ROBO2: variants seen among roughly 807,000 people sequenced by gnomAD.
ROBO2 encodes roundabout guidance receptor 2.
In ROBO2, 53 loss-of-function variants were observed where a neutral mutation model predicts 160.8. The ratio of observed to expected loss-of-function variants is 0.33; its 90% CI spans 0.26 to 0.41. The LOEUF (loss-of-function observed/expected upper bound fraction) is 0.41, where lower values mean the gene tolerates loss of function less well. Ranked by LOEUF, ROBO2 falls within the 10% of genes least tolerant of loss-of-function variation. The probability of loss-of-function intolerance (pLI) is 1.00; values close to 1 mark genes in which losing one functional copy is unlikely to be tolerated. For missense variants in ROBO2, 1,577 were observed against 1,722.4 expected, an observed-to-expected ratio of 0.92 and a Z score of 1.49; for synonymous variants, 664 against 611.7, an observed-to-expected ratio of 1.09 and a Z score of -1.26.
intron 17 of ROBO2, 152 bp downstream of exon 18, chr3:77,589,085 C>T: frequency 4.7e-6 from 4 of 856,382 alleles, no homozygotes; most frequent in Non-Finnish European, 7.6e-6. Flanking sequence ...TGCTTTAATG[C>T]ATTGCTCTTG....
At chr3:77,478,857 G>T (rs1003605238) in intron 3 of ROBO2, among the ~76,000 whole-genome samples, 2 of 152,110 alleles carry the variant, frequency 1.3e-5, no homozygotes, top group African/African-American at 2.4e-5. Context: ...TGCGTTTCTG[G>T]TATAGAGGCA....
intron 2 of ROBO2, among the ~76,000 whole-genome samples, chr3:76,534,657 G>A (rs570717845): frequency 6.6e-6 from 1 of 152,110 alleles, no homozygotes; most frequent in African/African-American, 2.4e-5. Flanking sequence ...ATGCTGGTCT[G>A]CTTGCCAAAC....
chr3:76,556,191 A>C (rs887078711), intron 2 of ROBO2, among the ~76,000 whole-genome samples: 5 of 152,204 alleles, frequency 3.3e-5, no homozygotes, highest in Admixed American at 1.3e-4. Context: ...AGGAGATATT[A>C]GTATATCCTA....
chr3:77,552,200 A>G (rs1474868361), intron 8 of ROBO2, among the ~76,000 whole-genome samples: 1 of 152,066 alleles, frequency 6.6e-6, no homozygotes, highest in African/African-American at 2.4e-5. Flanking sequence ...AAAAATGTCC[A>G]GATACATACA....
At chr3:76,851,475 C>T (rs1018388473) in intron 2 of ROBO2, among the ~76,000 whole-genome samples, 3 of 151,976 alleles carry the variant, frequency 2.0e-5, no homozygotes, top group South Asian at 2.1e-4. Flanking sequence ...GTGGCTCACG[C>T]CTGTAATCCC....
At chr3:76,409,988 CTG>C (rs1443477865) in intron 2 of ROBO2, among the ~76,000 whole-genome samples, 1 of 152,040 alleles carries the variant, frequency 6.6e-6, no homozygotes, top group Non-Finnish European at 1.5e-5. Context: ...TGAGAGGAGT[CTG>C]TTGCTTTGTT....
intron 2 of ROBO2, among the ~76,000 whole-genome samples, chr3:76,862,176 G>C (rs1248481164): frequency 6.6e-6 from 1 of 152,020 alleles, no homozygotes. Flanking sequence ...ACTCCCTAAA[G>C]CTTCTACACA....
chr3:76,763,403 A>G (rs2061409880), intron 2 of ROBO2, among the ~76,000 whole-genome samples: 2 of 151,732 alleles, frequency 1.3e-5, no homozygotes. Context: ...CCAATGTCTC[A>G]GGCACTTAGT....
At chr3:77,016,270 T>A (rs1199862116) in intron 2 of ROBO2, among the ~76,000 whole-genome samples, 1 of 151,768 alleles carries the variant, frequency 6.6e-6, no homozygotes, top group Non-Finnish European at 1.5e-5. Flanking sequence ...CCACCGCACC[T>A]GGCCCTAATA....
At chr3:77,131,134 A>G (rs2075819816) in intron 2 of ROBO2, among the ~76,000 whole-genome samples, 1 of 152,100 alleles carries the variant, frequency 6.6e-6, no homozygotes, top group Admixed American at 6.6e-5. Context: ...TATCATTTCT[A>G]CCTTTCTAAT....
At chr3:77,291,146 G>A (rs56000813) in intron 2 of ROBO2, among the ~76,000 whole-genome samples, 6 of 150,648 alleles carry the variant, frequency 4.0e-5, no homozygotes, top group Non-Finnish European at 8.8e-5. Flanking sequence ...AAAACTGATG[G>A]TTAAACGGGA....
chr3:77,055,934 A>C (rs1475264313), intron 1 of ROBO2, among the ~76,000 whole-genome samples: 2 of 152,370 alleles, frequency 1.3e-5, no homozygotes, highest in East Asian at 1.9e-4. Context: ...TAAATTGAAA[A>C]GATAAATAGA....
chr3:76,278,856 G>T (rs140366398), intron 2 of ROBO2, among the ~76,000 whole-genome samples: 3 of 151,780 alleles, frequency 2.0e-5, no homozygotes, highest in African/African-American at 7.2e-5. Flanking sequence ...TCCTCTATAG[G>T]TTCACTGATT....
At chr3:76,328,022 A>G (rs1340533872) in intron 2 of ROBO2, among the ~76,000 whole-genome samples, 1 of 152,150 alleles carries the variant, frequency 6.6e-6, no homozygotes, top group Non-Finnish European at 1.5e-5. Flanking sequence ...AAGGGGAAAA[A>G]AAAAGAAGAA....
chr3:77,379,115 G>A (rs1478591212), intron 2 of ROBO2, among the ~76,000 whole-genome samples: 1 of 151,850 alleles, frequency 6.6e-6, no homozygotes, highest in East Asian at 1.9e-4. Context: ...GCCCAGCTAA[G>A]TTTTGTATTT....
chr3:76,080,197 A>C (rs2068776972), intron 2 of ROBO2, among the ~76,000 whole-genome samples: 1 of 152,166 alleles, frequency 6.6e-6, no homozygotes, highest in Admixed American at 6.5e-5. Context: ...ATGCTGACGA[A>C]AACACCCCTG....
intron 2 of ROBO2, among the ~76,000 whole-genome samples, chr3:76,938,711 C>G (rs898114556): frequency 6.6e-6 from 1 of 151,580 alleles, no homozygotes; most frequent in African/African-American, 2.4e-5. Flanking sequence ...GGCTCACACC[C>G]GTAATCCCAG....
chr3:77,371,560 T>C (rs1270526106), intron 2 of ROBO2, among the ~76,000 whole-genome samples: 3 of 152,240 alleles, frequency 2.0e-5, no homozygotes, highest in South Asian at 2.1e-4. Flanking sequence ...GTACTCAGCA[T>C]ACACATAAGT....
At chr3:77,503,759 CTA>C (rs959518038) in intron 5 of ROBO2, among the ~76,000 whole-genome samples, 1 of 151,496 alleles carries the variant, frequency 6.6e-6, no homozygotes, top group Non-Finnish European at 1.5e-5. Context: ...TTTTTTAAAA[CTA>C]TGTAATGGTC....
Sources: allele counts gnomAD v4.1 joint callset (sites outside exome capture counted in the v4.1 genomes callset), GRCh38; gene constraint gnomAD v4.1.1; transcripts MANE v1.5; gene names NCBI Gene and HGNC (gene_info 2026-07-23, HGNC 2026-07-21).